CACNA2D3: variants seen among roughly 807,000 people sequenced by gnomAD.
The protein encoded by CACNA2D3 is voltage-dependent calcium channel subunit alpha-2/delta-3.
Under a neutral mutation model 160.6 loss-of-function variants are expected in CACNA2D3, and 60 were observed. The observed-to-expected ratio is 0.37, with a 90% CI of 0.30 to 0.46. The LOEUF (loss-of-function observed/expected upper bound fraction) is 0.46, where lower values mean the gene tolerates loss of function less well. Ranked by LOEUF, CACNA2D3 falls within the 20% of genes least tolerant of loss-of-function variation. CACNA2D3 has a pLI of 1.00. For synonymous variants in CACNA2D3, 558 were observed against 492.9 expected (o/e 1.13, Z -1.75); for missense variants, 1,205 against 1,365.0 (o/e 0.88, Z 1.85).
chr3:54,550,276 G>A (rs1038907750), intron 5 of CACNA2D3, among the ~76,000 whole-genome samples: 1 of 152,164 alleles, frequency 6.6e-6, no homozygotes, highest in African/African-American at 2.4e-5. Flanking sequence ...TGCTGAGGGG[G>A]CCATGAGAGA....
chr3:54,880,649 G>A (rs1490940810), intron 20 of CACNA2D3, 147 bp from the exon 21 acceptor site: 1 of 732,876 alleles, frequency 1.4e-6, no homozygotes, highest in Admixed American at 2.0e-5. Context: ...GTGATAATCA[G>A]TGGGGTTTTG....
intron 13 of CACNA2D3, among the ~76,000 whole-genome samples, chr3:54,765,726 AT>A (rs528073444): frequency 9.8e-5 from 15 of 152,308 alleles, no homozygotes; most frequent in Admixed American, 9.8e-4. Flanking sequence ...ATTTAAAAAA[AT>A]ATAAGACACA....
intron 21 of CACNA2D3, among the ~76,000 whole-genome samples, chr3:54,883,044 G>A (rs924284937): frequency 4.6e-5 from 7 of 152,082 alleles, no homozygotes; most frequent in African/African-American, 1.7e-4. Context: ...TGTGTGTGAT[G>A]GAGTCTTGCT....
At chr3:54,226,331 T>TTTTTGA (rs1701671950) in intron 2 of CACNA2D3, among the ~76,000 whole-genome samples, 1 of 149,324 alleles carries the variant, frequency 6.7e-6, no homozygotes, top group African/African-American at 2.5e-5. Flanking sequence ...TTTTTTTTTT[T>TTTTTGA]GGAGACAGTT....
chr3:55,060,564 G>A (rs1704482720), intron 35 of CACNA2D3, among the ~76,000 whole-genome samples: 1 of 152,134 alleles, frequency 6.6e-6, no homozygotes, highest in Admixed American at 6.5e-5. Flanking sequence ...TTGAGTTGGT[G>A]TGAAGATTAA....
chr3:54,508,015 T>C (rs1701399860), intron 5 of CACNA2D3, among the ~76,000 whole-genome samples: 1 of 152,214 alleles, frequency 6.6e-6, no homozygotes, highest in African/African-American at 2.4e-5. Context: ...ACCCAGGTGA[T>C]GGCATTAAAA....
intron 4 of CACNA2D3, among the ~76,000 whole-genome samples, chr3:54,395,807 TG>T (rs1699354558): frequency 2.3e-5 from 1 of 44,402 alleles, no homozygotes; most frequent in Non-Finnish European, 4.1e-5. Context: ...GGTTCTTTTT[TG>T]GTTCCATATG....
At chr3:54,749,356 G>T (rs1701815335) in intron 11 of CACNA2D3, among the ~76,000 whole-genome samples, 2 of 152,148 alleles carry the variant, frequency 1.3e-5, no homozygotes, top group Admixed American at 6.5e-5. Context: ...AACAGTTTTT[G>T]ACCTTTACAA....
At position 54,778,224 on chromosome 3, in the gene CACNA2D3, A is replaced by AG. The variant is rs994222432; in HGVS notation, c.1380+13879dup. On this transcript the variant is annotated intron_variant, in intron 13 of 37. Coordinates refer to ENST00000474759, the MANE Select transcript of CACNA2D3 (RefSeq NM_018398.3). ...CTCACTCACTGTGAGGAGAACAGCA[A>AG]GGGGGGACATCAGCAGCAATGATCC... Among the ~76,000 whole-genome samples the AG allele has an allele frequency of 9.9e-5, 15 of 152,204 alleles. No homozygotes were observed. The South Asian group carries it at 1.2e-3, about 13-fold the overall frequency.
At chr3:54,543,326 CT>C (rs1214754932) in intron 5 of CACNA2D3, among the ~76,000 whole-genome samples, 3 of 152,200 alleles carry the variant, frequency 2.0e-5, no homozygotes, top group African/African-American at 7.2e-5. Context: ...AGGAAGTAAA[CT>C]GTTTCACATC....
chr3:54,383,647 G>A (rs766868868), intron 3 of CACNA2D3, among the ~76,000 whole-genome samples: 1 of 151,958 alleles, frequency 6.6e-6, no homozygotes, highest in Non-Finnish European at 1.5e-5. Context: ...TAAAATGAGA[G>A]CAATCCAGAG....
At chr3:54,316,226 C>T (rs980279360) in intron 2 of CACNA2D3, among the ~76,000 whole-genome samples, 59 of 152,164 alleles carry the variant, frequency 3.9e-4, no homozygotes, top group Non-Finnish European at 1.5e-4. Flanking sequence ...TGGAATAGCT[C>T]ACTCTATCCA....
chr3:54,222,880 C>G (rs985999229), intron 2 of CACNA2D3, among the ~76,000 whole-genome samples: 3 of 152,030 alleles, frequency 2.0e-5, no homozygotes, highest in South Asian at 2.1e-4. Context: ...ATATTTTTAA[C>G]TTTTAGAGAA....
At chr3:54,406,569 T>C (rs1001280156) in intron 4 of CACNA2D3, among the ~76,000 whole-genome samples, 1 of 151,506 alleles carries the variant, frequency 6.6e-6, no homozygotes, top group African/African-American at 2.4e-5. Context: ...GAAAGAAAAA[T>C]ATTTCATGAT....
chr3:54,646,836 C>T (rs531704990), intron 11 of CACNA2D3, among the ~76,000 whole-genome samples: 9 of 152,214 alleles, frequency 5.9e-5, no homozygotes, highest in African/African-American at 1.2e-4. Flanking sequence ...AATAACCACA[C>T]GGTCTTCCAC....
chr3:54,456,750 G>C (rs1700403851), intron 4 of CACNA2D3, among the ~76,000 whole-genome samples: 1 of 151,884 alleles, frequency 6.6e-6, no homozygotes, highest in South Asian at 2.1e-4. Flanking sequence ...TTATTGGGAG[G>C]TTTTTAACTA....
At chr3:54,937,839 G>A (rs1393025168) in intron 27 of CACNA2D3, among the ~76,000 whole-genome samples, 1 of 152,160 alleles carries the variant, frequency 6.6e-6, no homozygotes, top group East Asian at 1.9e-4. Context: ...ACAGCACAGA[G>A]GGTGAGGAAG....
intron 2 of CACNA2D3, among the ~76,000 whole-genome samples, chr3:54,303,431 A>G (rs910126063): frequency 1.3e-5 from 2 of 152,230 alleles, no homozygotes; most frequent in African/African-American, 4.8e-5. Flanking sequence ...TTAATTCAGC[A>G]GAGTTTCTTG....
intron 35 of CACNA2D3, among the ~76,000 whole-genome samples, chr3:55,045,536 G>A (rs77334612): frequency 0.022 from 3,417 of 152,220 alleles, 61 homozygotes; most frequent in Non-Finnish European, 0.037. Flanking sequence ...TAGAGATTTC[G>A]TTGTAGAAAA....
Sources: allele counts gnomAD v4.1 joint callset (sites outside exome capture counted in the v4.1 genomes callset), GRCh38; gene constraint gnomAD v4.1.1; transcripts MANE v1.5; gene names NCBI Gene and HGNC (gene_info 2026-07-23, HGNC 2026-07-21).